The following EIF2A variants were observed in gnomAD, a reference collection of about 807,000 sequenced individuals.
The protein encoded by EIF2A is eukaryotic translation initiation factor 2A.
In EIF2A, 62 loss-of-function variants were observed where a neutral mutation model predicts 75.2. The ratio of observed to expected loss-of-function variants is 0.82; its 90% CI spans 0.67 to 1.02. EIF2A has a LOEUF of 1.02. Ranked by LOEUF, EIF2A falls within the 50% of genes least tolerant of loss-of-function variation. The pLI, the probability that EIF2A is intolerant of heterozygous loss-of-function variation, is 0.00. For missense variants in EIF2A, 611 were observed against 677.7 expected, an observed-to-expected ratio of 0.90 and a Z score of 1.09; for synonymous variants, 207 against 239.0, an observed-to-expected ratio of 0.87 and a Z score of 1.23.
chr3:150,575,579 G>A, intron 10 of EIF2A, 70 bp from the exon 11 acceptor site: 2 of 1,102,582 alleles, frequency 1.8e-6, no homozygotes, highest in Admixed American at 2.8e-5. Flanking sequence ...ATTAGCAGAA[G>A]TGTATAATTT....
chr3:150,578,251 T>C (rs1027570746), intron 11 of EIF2A, among the ~76,000 whole-genome samples: 9 of 149,976 alleles, frequency 6.0e-5, no homozygotes, highest in African/African-American at 1.9e-4. Flanking sequence ...ATACTTATTA[T>C]ATAAATAATT....
Position 150,554,165 on chromosome 3 carries a change from G to A in EIF2A, c.98+1740G>A, listed in dbSNP as rs148322549. Among the ~76,000 whole-genome samples, 560 of 152,258 alleles carry A rather than the reference G, an allele frequency of 3.7e-3. 2 individuals carry two copies. The highest frequency in any genetic ancestry group is 0.013 in the African/African-American group (538 of 41,538). On this transcript the variant is annotated intron_variant, in intron 2 of 13. Coordinates refer to ENST00000460851, the MANE Select transcript of EIF2A (RefSeq NM_032025.5). ...CACCAACCTAAGATGGGAACATTAA[G>A]AATTATGAATAGAAAGATAAAGCAT...
intron 3 of EIF2A, 150 bp from the exon 4 acceptor site, chr3:150,562,392 A>T: frequency 2.0e-6 from 1 of 504,902 alleles, no homozygotes; most frequent in Non-Finnish European, 3.4e-6. Context: ...ACTGCACTCC[A>T]ACCTGGGAGA....
chr3:150,549,375 C>T (rs1266618563), intron 1 of EIF2A, among the ~76,000 whole-genome samples: 3 of 152,050 alleles, frequency 2.0e-5, no homozygotes, highest in African/African-American at 4.8e-5. Flanking sequence ...TGCACCACCA[C>T]GCCCAGCTAA....
chr3:150,563,725 T>C, intron 5 of EIF2A, 111 bp downstream of exon 5: 1 of 900,722 alleles, frequency 1.1e-6, no homozygotes, highest in Non-Finnish European at 1.6e-6. Context: ...CAGACAAAAA[T>C]CTACATTTTT....
At chr3:150,561,102 A>G (rs1413907899) in intron 3 of EIF2A, among the ~76,000 whole-genome samples, 1 of 152,036 alleles carries the variant, frequency 6.6e-6, no homozygotes, top group African/African-American at 2.4e-5. Context: ...TGATTTCCCT[A>G]GCTGCTATAG....
rs747233725 is a variant in EIF2A at position 150,558,463 on chromosome 3, G to T, written c.173+1G>T. On this transcript the variant is annotated splice_donor_variant, in intron 3 of 13. Transcript: ENST00000460851. LOFTEE classifies it high-confidence loss of function. Reference sequence around the variant, plus strand: ...TGTTTGCCTGGGGCAATGGAGAAAAGTTAGTGTTCATTTACATAACATATT... The same window carrying T: ...TGTTTGCCTGGGGCAATGGAGAAAATTTAGTGTTCATTTACATAACATATT... The T allele has an allele frequency of 1.3e-6, 2 of 1,497,528 alleles. No individual in the cohort carries two copies. The highest frequency in any genetic ancestry group is 1.8e-6 in the Non-Finnish European group (2 of 1,131,798). 92.8% of individuals were successfully genotyped at this position (1,497,528 alleles called of 1,614,324 possible).
At chr3:150,578,576 G>A (rs1012481907) in intron 11 of EIF2A, among the ~76,000 whole-genome samples, 3 of 151,784 alleles carry the variant, frequency 2.0e-5, no homozygotes, top group Admixed American at 6.6e-5. Context: ...TTTTAAAAGA[G>A]CCAATACAGT....
At chr3:150,553,342 A>T (rs1723409275) in intron 2 of EIF2A, among the ~76,000 whole-genome samples, 1 of 150,300 alleles carries the variant, frequency 6.7e-6, no homozygotes, top group African/African-American at 2.4e-5. Context: ...AAAAAAAAAA[A>T]TTGGGAAACT....
Position 150,585,446 on chromosome 3 carries a change from C to CAGACAGAGGTTT in EIF2A, c.*1546_*1547insTAGACAGAGGTT, listed in dbSNP as rs1255251379. ...AGGTAGGAAAATTGTTTGAACCCGG[C>CAGACAGAGGTTT]AGACAGAGGTTGCAGTGAGCCGACA... On this transcript the variant is annotated 3_prime_UTR_variant, in exon 14 of 14. Transcript: ENST00000460851. 4.7e-4 allele frequency: 71 copies of CAGACAGAGGTTT among 152,302 alleles called. No individual in the cohort carries two copies. Among genetic ancestry groups the CAGACAGAGGTTT allele is most frequent in the African/African-American group, 1.6e-3 (67 of 41,550 alleles). The allele number at this position is 152,302 out of a possible 1,614,324, so 9.4% of individuals were successfully genotyped here.
intron 6 of EIF2A, chr3:150,566,828 A>T (rs2107934173): frequency 6.6e-6 from 1 of 152,336 alleles, no homozygotes; most frequent in East Asian, 1.9e-4. Flanking sequence ...TCTTTAGAGC[A>T]TCCCATTACT....
intron 1 of EIF2A, among the ~76,000 whole-genome samples, chr3:150,549,806 C>T (rs183219294): frequency 3.3e-5 from 5 of 152,276 alleles, no homozygotes; most frequent in Admixed American, 3.3e-4. Flanking sequence ...GCACATAAAA[C>T]AGCAATGTCC....
chr3:150,568,113 G>A, intron 8 of EIF2A, 63 bp from the exon 9 acceptor site: 1 of 1,601,446 alleles, frequency 6.2e-7, no homozygotes, highest in South Asian at 1.1e-5. Context: ...ATTCCTATGT[G>A]TATAACAGAA....
chr3:150,562,119 T>C (rs1723904622), intron 3 of EIF2A, among the ~76,000 whole-genome samples: 1 of 152,020 alleles, frequency 6.6e-6, no homozygotes, highest in Admixed American at 6.6e-5. Context: ...AAAGTTGATT[T>C]TTATGAAAAA....
intron 1 of EIF2A, among the ~76,000 whole-genome samples, chr3:150,548,111 A>T (rs1286755309): frequency 6.6e-6 from 1 of 152,138 alleles, no homozygotes; most frequent in Non-Finnish European, 1.5e-5. Context: ...ATTGCTCTTG[A>T]GACTCATTTA....
At chr3:150,562,162 C>T (rs1156385371) in intron 3 of EIF2A, among the ~76,000 whole-genome samples, 1 of 152,004 alleles carries the variant, frequency 6.6e-6, no homozygotes, top group Non-Finnish European at 1.5e-5. Context: ...GTGGCTCACG[C>T]CTGTAATCCC....
intron 1 of EIF2A, among the ~76,000 whole-genome samples, chr3:150,549,905 A>G (rs899396369): frequency 6.6e-6 from 1 of 152,192 alleles, no homozygotes; most frequent in African/African-American, 2.4e-5. Context: ...TCCTAAACTA[A>G]TACATAGTTC....
Position 150,584,183 on chromosome 3 carries a change from A to AT in EIF2A, c.*281dup, listed in dbSNP as rs957584228. The stretch of plus-strand genomic sequence containing the variant: ...CTTGACAGATTGAAAGACAAGTGTC[A>AT]TTTTTTTTTGTAGAGGGTGATATAT... On this transcript the variant is annotated 3_prime_UTR_variant, in exon 14 of 14. Transcript: ENST00000460851. 4.0e-3 allele frequency: 1,205 copies of AT among 303,342 alleles called. 1 individual carries two copies. The highest frequency in any genetic ancestry group is 4.9e-3 in the Middle Eastern group (5 of 1,030). 18.8% of individuals were successfully genotyped at this position (303,342 alleles called of 1,614,324 possible). A position where few individuals can be genotyped will look rare whatever the true frequency, so the allele number is the denominator to read the frequency against.
chr3:150,560,321 T>C (rs1723783782), intron 3 of EIF2A, among the ~76,000 whole-genome samples: 1 of 152,246 alleles, frequency 6.6e-6, no homozygotes, highest in African/African-American at 2.4e-5. Flanking sequence ...TTTCATGTAT[T>C]GATTGTGGTC....
Sources: allele counts gnomAD v4.1 joint callset (sites outside exome capture counted in the v4.1 genomes callset), GRCh38; gene constraint gnomAD v4.1.1; transcripts MANE v1.5; gene names NCBI Gene and HGNC (gene_info 2026-07-23, HGNC 2026-07-21).